NAA15: variants seen among roughly 807,000 people sequenced by gnomAD.
NAA15 encodes N-terminal acetyltransferase.
Under a neutral mutation model 114.0 loss-of-function variants are expected in NAA15, and 34 were observed. That is an observed-to-expected ratio of 0.30 (90% CI 0.23 to 0.40). NAA15 has a LOEUF of 0.40. Ranked by LOEUF, NAA15 falls within the 10% of genes least tolerant of loss-of-function variation. NAA15 has a pLI of 1.00. For synonymous variants in NAA15, 340 were observed against 338.0 expected (o/e 1.01, Z -0.06); for missense variants, 658 against 1,004.5 (o/e 0.66, Z 4.66).
chr4:139,369,489 CA>C (rs200933778), intron 14 of NAA15, among the ~76,000 whole-genome samples: 1,541 of 152,154 alleles, frequency 0.01, 14 homozygotes, highest in Middle Eastern at 0.024. Flanking sequence ...CCTGTAATCC[CA>C]GCACTTTGGG....
intron 11 of NAA15, among the ~76,000 whole-genome samples, chr4:139,359,273 C>T (rs1748060253): frequency 6.6e-6 from 1 of 151,968 alleles, no homozygotes; most frequent in Non-Finnish European, 1.5e-5. Flanking sequence ...GGATTACAGG[C>T]ATGCGCCACC....
intron 1 of NAA15, among the ~76,000 whole-genome samples, chr4:139,302,880 A>G (rs1293136676): frequency 6.6e-6 from 1 of 152,238 alleles, no homozygotes; most frequent in Non-Finnish European, 1.5e-5. Context: ...GGCATTTAGT[A>G]TGTGGGTTCC....
intron 1 of NAA15, among the ~76,000 whole-genome samples, chr4:139,304,499 C>A (rs1745941112): frequency 6.6e-6 from 1 of 152,190 alleles, no homozygotes; most frequent in Non-Finnish European, 1.5e-5. Flanking sequence ...CCAAAATTTG[C>A]AGGTGTTTGA....
At chr4:139,336,257 GT>G (rs763272650) in intron 2 of NAA15, among the ~76,000 whole-genome samples, 99 of 152,054 alleles carry the variant, frequency 6.5e-4, no homozygotes, top group Non-Finnish European at 1.3e-3. Context: ...TTAGAGTTTA[GT>G]TTTCCTCTTC....
intron 5 of NAA15, 41 bp downstream of exon 5, chr4:139,343,001 ATAAC>A: frequency 1.3e-6 from 2 of 1,542,964 alleles, no homozygotes; most frequent in Non-Finnish European, 1.8e-6. Context: ...GATCCTAAGT[ATAAC>A]TAAAAAAATA....
intron 1 of NAA15, among the ~76,000 whole-genome samples, chr4:139,313,633 C>T (rs1055026215): frequency 2.0e-5 from 3 of 151,446 alleles, no homozygotes; most frequent in African/African-American, 7.3e-5. Flanking sequence ...CAACCTCCGC[C>T]TCCCTGGTTC....
intron 2 of NAA15, among the ~76,000 whole-genome samples, chr4:139,335,377 G>GT (rs1037737338): frequency 6.6e-6 from 1 of 151,906 alleles, no homozygotes; most frequent in African/African-American, 2.4e-5. Context: ...TTTTCTTCTT[G>GT]TTTTTTGAGA....
intron 15 of NAA15, among the ~76,000 whole-genome samples, chr4:139,373,582 G>A (rs1017896996): frequency 6.6e-6 from 1 of 152,146 alleles, no homozygotes; most frequent in Non-Finnish European, 1.5e-5. Flanking sequence ...GGCAGAAGCT[G>A]TATCACTTGT....
chr4:139,321,734 C>G (rs997677832), intron 1 of NAA15, among the ~76,000 whole-genome samples: 1 of 151,298 alleles, frequency 6.6e-6, no homozygotes, highest in Non-Finnish European at 1.5e-5. Context: ...CTGCCTGCCT[C>G]AGCCTCCCAA....
intron 6 of NAA15, among the ~76,000 whole-genome samples, chr4:139,345,835 G>T (rs567045887): frequency 2.0e-5 from 3 of 152,040 alleles, no homozygotes; most frequent in Non-Finnish European, 2.9e-5. Flanking sequence ...GCAGGAGAAC[G>T]GCGTGAACCT....
At chr4:139,315,002 T>TCAGG (rs1437742705) in intron 1 of NAA15, among the ~76,000 whole-genome samples, 6 of 72,008 alleles carry the variant, frequency 8.3e-5, no homozygotes, top group Admixed American at 4.3e-4. Flanking sequence ...TCAGTTCAGT[T>TCAGG]TAGTTTAGGT....
intron 1 of NAA15, among the ~76,000 whole-genome samples, chr4:139,315,615 T>C (rs1183801016): frequency 6.6e-6 from 1 of 151,910 alleles, no homozygotes; most frequent in Non-Finnish European, 1.5e-5. Flanking sequence ...GGTAGTGAGA[T>C]ACGTATACAA....
intron 1 of NAA15, among the ~76,000 whole-genome samples, chr4:139,322,056 A>G (rs1334469272): frequency 6.6e-6 from 1 of 152,076 alleles, no homozygotes. Flanking sequence ...TTTGGCAGAC[A>G]ATTTGCTTGT....
intron 1 of NAA15, among the ~76,000 whole-genome samples, chr4:139,307,735 G>A (rs1032898068): frequency 2.0e-5 from 3 of 152,138 alleles, no homozygotes; most frequent in African/African-American, 7.2e-5. Flanking sequence ...AACTTTTCAA[G>A]GTGGGGACAT....
At chr4:139,350,754 T>C (rs758274750) in intron 7 of NAA15, among the ~76,000 whole-genome samples, 19 of 152,112 alleles carry the variant, frequency 1.2e-4, no homozygotes, top group Admixed American at 2.6e-4. Flanking sequence ...CCATGAAACA[T>C]GAATAGTTAG....
intron 3 of NAA15, 48 bp downstream of exon 3, chr4:139,337,000 T>TA: frequency 8.0e-7 from 1 of 1,250,410 alleles, no homozygotes; most frequent in South Asian, 1.4e-5. Context: ...TGTTTTGAGC[T>TA]AAGGCAGCAA....
rs1444030282 is a variant in NAA15 at position 139,389,957 on chromosome 4, A to G, written c.*1873A>G. ...CATCTTAACAGATGGCAAAAAAACA[A>G]AAACTTTTTTTCAACTCCTATGAGT... On this transcript the variant is annotated 3_prime_UTR_variant, in exon 20 of 20. Coordinates refer to ENST00000296543, the MANE Select transcript of NAA15 (RefSeq NM_057175.5). The G allele has an allele frequency of 6.6e-6, 1 of 152,638 alleles. No homozygotes were observed. Among genetic ancestry groups the G allele is most frequent in the East Asian group, 1.9e-4 (1 of 5,192 alleles). 9.5% of individuals were successfully genotyped at this position (152,638 alleles called of 1,614,324 possible).
At chr4:139,337,093 T>A (rs1288613038) in intron 3 of NAA15, 141 bp downstream of exon 3, 1 of 429,828 alleles carries the variant, frequency 2.3e-6, no homozygotes, top group Non-Finnish European at 4.2e-6. Flanking sequence ...GCAACTGCCT[T>A]CATTCAGGGA....
In NAA15 at chr4:139,376,473, G is replaced by T. The variant is rs749781466; in HGVS notation, c.2056G>T (p.Glu686Ter). Residue 686 changes from glutamate (E) to a stop codon, truncating the protein, a stop_gained and splice_region_variant, in exon 16 of 20, where the codon GAA becomes TAA. Transcript: ENST00000296543. LOFTEE classifies it high-confidence loss of function. The stretch of plus-strand genomic sequence containing the variant: ...TGCCTTTGAGATTTACTTTAGGAAA[G>T]GTAGGCAATTAGGGTACAGTGGCCC... ...LFAFEIYFRK[E>*]KFLLMLQSVK... 6.3e-7 allele frequency: 1 copy of T among 1,584,072 alleles called. No homozygotes were observed. The highest frequency in any genetic ancestry group is 8.7e-7 in the Non-Finnish European group (1 of 1,153,108).
Sources: gnomAD v4.1 joint callset for allele counts (sites outside exome capture counted in the v4.1 genomes callset) on GRCh38, gnomAD v4.1.1 for gene constraint, MANE v1.5 for transcripts, NCBI Gene and HGNC (gene_info 2026-07-23, HGNC 2026-07-21) for gene names.